The following PITPNM2 variants were observed in gnomAD, a reference collection of about 807,000 sequenced individuals.
The protein encoded by PITPNM2 is membrane-associated phosphatidylinositol transfer protein 2.
In PITPNM2, 35 loss-of-function variants were observed where a neutral mutation model predicts 132.2. The ratio of observed to expected loss-of-function variants is 0.26; its 90% confidence interval spans 0.20 to 0.35. The LOEUF (loss-of-function observed/expected upper bound fraction) is 0.35, where lower values mean the gene tolerates loss of function less well. Among genes scored for constraint, PITPNM2 ranks in the 10% least tolerant of loss-of-function variants. PITPNM2 has a pLI of 1.00. For synonymous variants in PITPNM2, 738 were observed against 799.2 expected (o/e 0.92, Z 1.29); for missense variants, 1,332 against 1,912.0 (o/e 0.70, Z 5.66).
At chr12:123,071,694 C>T (rs191229559) in intron 2 of PITPNM2, among the ~76,000 whole-genome samples, 20 of 152,362 alleles carry the variant, frequency 1.3e-4, no homozygotes, top group African/African-American at 4.3e-4. Flanking sequence ...CCGCTTCACA[C>T]GCTCCTGCGA....
chr12:123,029,743 T>C (rs2040005403), intron 3 of PITPNM2, among the ~76,000 whole-genome samples: 1 of 152,112 alleles, frequency 6.6e-6, no homozygotes, highest in African/African-American at 2.4e-5. Flanking sequence ...TGTGCATGTG[T>C]CTGCATGTAT....
chr12:122,995,589 ACCG>A lies in PITPNM2; in HGVS notation c.1851_1853del (p.Gly622del). On this transcript the variant is annotated inframe_deletion, in exon 14 of 26. Coordinates refer to ENST00000320201, the MANE Select transcript of PITPNM2 (RefSeq NM_020845.3). ...CACCACCACTGCTGCCACCACCGCC[ACCG>A]CCGCCACCGCCACCACCGCAGCAGT... The A allele has an allele frequency of 1.2e-6, 2 of 1,603,032 alleles. No individual in the cohort carries two copies. The highest frequency in any genetic ancestry group is 3.3e-4 in the Middle Eastern group (2 of 6,038).
chr12:123,032,376 C>T (rs961421940), intron 3 of PITPNM2, among the ~76,000 whole-genome samples: 7 of 152,308 alleles, frequency 4.6e-5, no homozygotes, highest in African/African-American at 1.2e-4. Context: ...ACTCCGGAGG[C>T]TGAGGCATGA....
At chr12:123,138,249 C>A (rs2043425455) in intron 1 of PITPNM2, among the ~76,000 whole-genome samples, 1 of 152,054 alleles carries the variant, frequency 6.6e-6, no homozygotes, top group Non-Finnish European at 1.5e-5. Flanking sequence ...GAGTTCAAGA[C>A]CAGCCTGGGC....
intron 1 of PITPNM2, among the ~76,000 whole-genome samples, chr12:123,136,372 TAAAGA>T (rs949935863): frequency 2.0e-5 from 3 of 152,146 alleles, no homozygotes; most frequent in African/African-American, 7.2e-5. Flanking sequence ...AACTTGGTGT[TAAAGA>T]AAAGGGCCTC....
Position 122,996,566 on chromosome 12 carries a change from A to T in PITPNM2, c.1674T>A (p.Ile558=). 1.2e-6 allele frequency: 2 copies of T among 1,613,066 alleles called. No individual in the cohort carries two copies. The highest frequency in any genetic ancestry group is 1.7e-6 in the Non-Finnish European group (2 of 1,179,992). The stretch of plus-strand genomic sequence containing the variant: ...CCAGGATGCCCCCGACGCAGTCCCC[A>T]ATCAGGCAGACCTTGGGAGAGAGGG... ...GMTFNGQVCL[I]GDCVGGILAF... The change falls in exon 13 of 26, where the codon ATT becomes ATA. Residue 558 remains isoleucine, a synonymous_variant. Transcript: ENST00000320201.
chr12:123,001,649 C>T (rs1028046704), intron 8 of PITPNM2, among the ~76,000 whole-genome samples: 4 of 152,196 alleles, frequency 2.6e-5, no homozygotes, highest in Admixed American at 1.3e-4. Context: ...TGCTTCATTC[C>T]GTTTTATGGC....
intron 3 of PITPNM2, among the ~76,000 whole-genome samples, chr12:123,021,029 CAAA>C (rs910751492): frequency 4.0e-5 from 1 of 25,310 alleles, no homozygotes; most frequent in Non-Finnish European, 9.7e-5. Context: ...AATTCCATCT[CAAA>C]AAAAAAAAAA....
chr12:123,133,823 C>T (rs1593032854), intron 1 of PITPNM2, among the ~76,000 whole-genome samples: 1 of 133,486 alleles, frequency 7.5e-6, no homozygotes, highest in South Asian at 2.5e-4. Context: ...CAGACACACA[C>T]ACGCTCCTCC....
At chr12:123,012,539 G>C in intron 5 of PITPNM2, 74 bp downstream of exon 5, 1 of 1,554,242 alleles carries the variant, frequency 6.4e-7, no homozygotes, top group African/African-American at 1.4e-5. Context: ...GTGGGGAAAA[G>C]GGGCAGGACA....
intron 1 of PITPNM2, 90 bp from the exon 2 acceptor site, chr12:123,110,578 T>C (rs1279171593): frequency 6.6e-6 from 1 of 152,344 alleles, no homozygotes; most frequent in Non-Finnish European, 1.5e-5. Flanking sequence ...ACAATGCCGA[T>C]GGACCAAGAG....
At chr12:123,127,322 C>T (rs998514821) in intron 1 of PITPNM2, among the ~76,000 whole-genome samples, 3 of 152,148 alleles carry the variant, frequency 2.0e-5, no homozygotes, top group Non-Finnish European at 4.4e-5. Context: ...CTGAACTGTC[C>T]GGGTGTTACT....
At chr12:123,114,479 C>T (rs529900430) in intron 1 of PITPNM2, among the ~76,000 whole-genome samples, 1 of 149,212 alleles carries the variant, frequency 6.7e-6, no homozygotes, top group East Asian at 2.0e-4. Flanking sequence ...TAGATCAGGC[C>T]GGAATCAGGC....
chr12:123,027,933 C>T (rs1444043127), intron 3 of PITPNM2, among the ~76,000 whole-genome samples: 1 of 152,236 alleles, frequency 6.6e-6, no homozygotes, highest in Admixed American at 6.5e-5. Context: ...GCAAGCTCTT[C>T]TCGAATCACT....
rs749124175 is a variant in PITPNM2, at chr12:122,995,486, C to T, written c.1957G>A (p.Gly653Ser). The T allele has an allele frequency of 1.8e-5, 29 of 1,613,990 alleles. No homozygotes were observed. Among genetic ancestry groups the T allele is most frequent in the South Asian group, 3.3e-5 (3 of 91,086 alleles). Residue 653 changes from glycine to serine, a missense_variant, in exon 14 of 26, where the codon GGC becomes AGC. Gly to Ser is a moderately conservative substitution (Grantham distance 56). Transcript: ENST00000320201. ...AGTTGCCTTTTGGGGTCCTCAGTGC[C>T]GTTGCTGCGGGGGATGTCGACGTTG... Reference protein sequence around the residue: ...RSNVDIPRSNGTEDPKRQLPR... With the variant: ...RSNVDIPRSNSTEDPKRQLPR...
At chr12:123,139,517 A>C (rs113444177) in intron 1 of PITPNM2, among the ~76,000 whole-genome samples, 1 of 149,736 alleles carries the variant, frequency 6.7e-6, no homozygotes, top group African/African-American at 2.4e-5. Flanking sequence ...AAAAAAAAAC[A>C]ACAGACAACT....
rs983376915 is a variant in PITPNM2, at chr12:123,117,028, G to T, written c.-199-6540C>A. Among the ~76,000 whole-genome samples the T allele has an allele frequency of 1.3e-5, 2 of 152,232 alleles. No individual in the cohort carries two copies. Among genetic ancestry groups the T allele is most frequent in the Non-Finnish European group, 2.9e-5 (2 of 68,048 alleles). On this transcript the variant is annotated intron_variant, in intron 1 of 25. Transcript: ENST00000320201. The surrounding 1 kb of genome is among the most constrained non-coding windows in gnomAD (Gnocchi z 4.7). ...ATGGCATTTTGCATCACTATGTTTGGACGTACTCTGTTAAGCAGCAATAGG... is the reference window on the plus strand; with the variant it reads ...ATGGCATTTTGCATCACTATGTTTGTACGTACTCTGTTAAGCAGCAATAGG...
At chr12:123,052,989 T>TC (rs2040912167) in intron 2 of PITPNM2, among the ~76,000 whole-genome samples, 1 of 151,944 alleles carries the variant, frequency 6.6e-6, no homozygotes, top group African/African-American at 2.4e-5. Flanking sequence ...CAAGCAACCC[T>TC]CCCCCTTCAG....
intron 1 of PITPNM2, among the ~76,000 whole-genome samples, chr12:123,121,123 A>C (rs2043025322): frequency 6.6e-6 from 1 of 152,192 alleles, no homozygotes; most frequent in South Asian, 2.1e-4. Flanking sequence ...CTGACTCCCA[A>C]ACCCCAGTGA....
Sources: gnomAD v4.1 joint callset for allele counts (sites outside exome capture counted in the v4.1 genomes callset) on GRCh38, gnomAD v4.1.1 for gene constraint, Gnocchi (gnomAD v3.1) non-coding constraint, MANE v1.5 for transcripts, NCBI Gene and HGNC (gene_info 2026-07-23, HGNC 2026-07-21) for gene names.